Variants in PIP5K1A observed in about 807,000 individuals in gnomAD.
PIP5K1A encodes the protein phosphatidylinositol 4-phosphate 5-kinase type-1 alpha.
In PIP5K1A, 46 loss-of-function variants were observed where a neutral mutation model predicts 72.9. That is an observed-to-expected ratio of 0.63 (90% CI 0.50 to 0.81). The LOEUF (loss-of-function observed/expected upper bound fraction) is 0.81. Among genes scored for constraint, PIP5K1A ranks in the 30% least tolerant of loss-of-function variants. The pLI is 0.00. For missense variants in PIP5K1A, 458 were observed against 706.1 expected, an observed-to-expected ratio of 0.65 and a Z score of 3.98; for synonymous variants, 228 against 255.1, an observed-to-expected ratio of 0.89 and a Z score of 1.01.
At chr1:151,197,961 T>G (rs1022921601), upstream of PIP5K1A, 2 of 446,700 alleles carry the variant, frequency 4.5e-6, no homozygotes, top group African/African-American at 4.1e-5. Flanking sequence ...CGCGGGAAGG[T>G]TGTGATAAGT....
At chr1:151,204,247 G>T (rs958100734) in intron 1 of PIP5K1A, among the ~76,000 whole-genome samples, 5 of 152,078 alleles carry the variant, frequency 3.3e-5, no homozygotes, top group Admixed American at 3.3e-4. Flanking sequence ...CGCGATCTCG[G>T]CTCACTGTAA....
chr1:151,247,083 T>A (rs1692609351), intron 15 of PIP5K1A, 118 bp downstream of exon 15: 1 of 475,168 alleles, frequency 2.1e-6, no homozygotes, highest in Admixed American at 3.9e-5. Context: ...TCCTAAATCT[T>A]GTTTTTTATT....
intron 11 of PIP5K1A, among the ~76,000 whole-genome samples, 192 bp from the exon 12 acceptor site, chr1:151,239,763 G>A (rs1199743588): frequency 6.6e-6 from 1 of 152,128 alleles, no homozygotes; most frequent in African/African-American, 2.4e-5. Flanking sequence ...CCTGACCTCA[G>A]GTGATCCGCC....
At chr1:151,231,570 GTTTGT>G (rs1690077880) in intron 4 of PIP5K1A, 96 bp from the exon 5 acceptor site, 1 of 1,022,590 alleles carries the variant, frequency 9.8e-7, no homozygotes, top group Non-Finnish European at 1.5e-6. Flanking sequence ...ACTAAAGGAT[GTTTGT>G]TTTAAAGTGT....
intron 3 of PIP5K1A, among the ~76,000 whole-genome samples, chr1:151,224,756 C>T (rs1688867234): frequency 6.6e-6 from 1 of 152,134 alleles, no homozygotes; most frequent in Admixed American, 6.6e-5. Context: ...ATATGAAGAA[C>T]TTTTAGCCAT....
At chr1:151,242,902 TGCTG>T (rs1455588753) in intron 14 of PIP5K1A, among the ~76,000 whole-genome samples, 3 of 152,206 alleles carry the variant, frequency 2.0e-5, no homozygotes, top group Non-Finnish European at 4.4e-5. Context: ...CTTAGTTCCT[TGCTG>T]GCTGTTGTCT....
At chr1:151,229,361 T>G (rs1308739813) in intron 4 of PIP5K1A, among the ~76,000 whole-genome samples, 2 of 127,260 alleles carry the variant, frequency 1.6e-5, no homozygotes, top group African/African-American at 5.7e-5. Context: ...CTTATTTAGC[T>G]TTTTTTTTTT....
At chr1:151,204,238 G>A (rs587610172) in intron 1 of PIP5K1A, among the ~76,000 whole-genome samples, 14 of 152,076 alleles carry the variant, frequency 9.2e-5, no homozygotes, top group Admixed American at 3.3e-4. Context: ...GTGCAATGGC[G>A]CGATCTCGGC....
chr1:151,244,968 A>G (rs1386338015), intron 14 of PIP5K1A, among the ~76,000 whole-genome samples: 1 of 137,494 alleles, frequency 7.3e-6, no homozygotes, highest in Admixed American at 7.8e-5. Flanking sequence ...GAGATGTCTC[A>G]TTGTGTTAAC....
At chr1:151,241,344 A>C (rs1049309745) in intron 12 of PIP5K1A, among the ~76,000 whole-genome samples, 1 of 151,910 alleles carries the variant, frequency 6.6e-6, no homozygotes. Flanking sequence ...TACTAAAAAT[A>C]CAAAAAAAAA....
chr1:151,247,727 A>C, intron 15 of PIP5K1A, 136 bp from the exon 16 acceptor site: 6 of 712,274 alleles, frequency 8.4e-6, no homozygotes, highest in Non-Finnish European at 1.4e-5. Context: ...CGCGGCCGCC[A>C]TCTTGTTTTT....
At chr1:151,225,286 G>A (rs879934001) in intron 3 of PIP5K1A, among the ~76,000 whole-genome samples, 1 of 152,050 alleles carries the variant, frequency 6.6e-6, no homozygotes, top group Non-Finnish European at 1.5e-5. Flanking sequence ...CTCTAGCCTG[G>A]GTGACAGAGA....
intron 4 of PIP5K1A, among the ~76,000 whole-genome samples, chr1:151,228,429 G>A (rs1197646940): frequency 1.3e-5 from 2 of 152,074 alleles, no homozygotes. Flanking sequence ...GAGTTACAGG[G>A]GTGATTGACC....
At chr1:151,239,098 A>C in intron 10 of PIP5K1A, 32 bp from the exon 11 acceptor site, 1 of 1,537,764 alleles carries the variant, frequency 6.5e-7, no homozygotes. Flanking sequence ...TTTAAAAATG[A>C]CGTGAGTAGG....
intron 1 of PIP5K1A, among the ~76,000 whole-genome samples, chr1:151,200,866 G>A (rs903865018): frequency 3.3e-5 from 5 of 151,964 alleles, no homozygotes; most frequent in Non-Finnish European, 7.4e-5. Flanking sequence ...GTCTCGCTCT[G>A]TCGCCCAGGC....
chr1:151,228,154 T>C (rs1689434598), intron 4 of PIP5K1A, among the ~76,000 whole-genome samples: 1 of 151,976 alleles, frequency 6.6e-6, no homozygotes, highest in South Asian at 2.1e-4. Context: ...ATTTTTTTTT[T>C]AGAGCCAGGG....
rs769836532 is a variant in PIP5K1A, at chr1:151,242,195, C to T, written c.1436C>T (p.Ser479Phe). Residue 479 changes from serine (S) to phenylalanine (F), a missense_variant, in exon 13 of 16, where the codon TCC (serine) becomes TTC (phenylalanine). Ser to Phe is a radical substitution (Grantham distance 155). This residue lies in a region of PIP5K1A where 157 missense variants were observed against 175.5 expected (regional missense o/e 0.89). Coordinates refer to ENST00000368888, the MANE Select transcript of PIP5K1A (RefSeq NM_001135638.2). ...FSRRAGSSGN[S>F]CITYQPSVSG... Reference sequence around the variant, plus strand: ...CGGCGAGCAGGCTCCAGTGGCAACTCCTGCATTACTTACCAGCCATCGGTC... The same window carrying T: ...CGGCGAGCAGGCTCCAGTGGCAACTTCTGCATTACTTACCAGCCATCGGTC... The T allele has an allele frequency of 6.8e-6, 11 of 1,614,134 alleles. No homozygotes were observed. The highest frequency in any genetic ancestry group is 5.9e-6 in the Non-Finnish European group (7 of 1,179,966).
At chr1:151,218,417 G>A (rs1687933119) in intron 1 of PIP5K1A, among the ~76,000 whole-genome samples, 1 of 152,134 alleles carries the variant, frequency 6.6e-6, no homozygotes, top group East Asian at 1.9e-4. Flanking sequence ...GGGGTACCTT[G>A]AGGGAAGAAT....
At chr1:151,196,588 CT>C (rs1395888684), upstream of PIP5K1A, among the ~76,000 whole-genome samples, 2 of 125,538 alleles carry the variant, frequency 1.6e-5, no homozygotes, top group African/African-American at 5.9e-5. Context: ...GAGTTTCGCT[CT>C]TGTTGCCCAG....
Sources: allele counts gnomAD v4.1 joint callset (sites outside exome capture counted in the v4.1 genomes callset), GRCh38; gene constraint gnomAD v4.1.1; regional missense constraint gnomAD v4.1.1; transcripts MANE v1.5; gene names NCBI Gene and HGNC (gene_info 2026-07-23, HGNC 2026-07-21).